TIMELESS: variants seen among roughly 807,000 people sequenced by gnomAD.
TIMELESS encodes timeless circadian regulator.
Under a neutral mutation model 164.3 loss-of-function variants are expected in TIMELESS, and 124 were observed. That is an observed-to-expected ratio of 0.75 (90% CI 0.65 to 0.88). The LOEUF (loss-of-function observed/expected upper bound fraction) is 0.88, where lower values mean the gene tolerates loss of function less well. Ranked by LOEUF, TIMELESS falls within the 40% of genes least tolerant of loss-of-function variation. TIMELESS has a pLI of 0.00. For synonymous variants in TIMELESS, 564 were observed against 563.4 expected (o/e 1.00, Z -0.02); for missense variants, 1,422 against 1,491.4 (o/e 0.95, Z 0.77).
rs753696333 is a variant in TIMELESS, at chr12:56,423,427, G to T, written c.2139C>A (p.Ser713Arg). 3 of 1,614,162 alleles carry T rather than the reference G, an allele frequency of 1.9e-6. No individual in the cohort carries two copies. Among genetic ancestry groups the T allele is most frequent in the Non-Finnish European group, 2.5e-6 (3 of 1,180,038 alleles). ...VVRAYVLLLR[S>R]YQQNSAHTNH... ...TAGTGTGGGCACTATTCTGCTGGTA[G>T]CTCCTTAGTAGCAGCACATAGGCTC... The change falls in exon 18 of 29, where the codon AGC (serine) becomes AGA (arginine). Residue 713 changes from serine to arginine, a missense_variant. Physicochemically the swap from Ser to Arg is moderately radical, Grantham distance 110. Transcript: ENST00000553532.
intron 26 of TIMELESS, among the ~76,000 whole-genome samples, chr12:56,419,282 A>G (rs2131095): frequency 1 from 151,882 of 152,322 alleles, 75,724 homozygotes; most frequent in East Asian, 1. Context: ...GTGAGCCACC[A>G]TACCCAGCAG....
rs61748694 is a variant in TIMELESS at position 56,420,619 on chromosome 12, A to G, written c.3178T>C (p.Phe1060Leu). Residue 1060 changes from phenylalanine to leucine, a missense_variant, in exon 26 of 29, where the codon TTT becomes CTT. Coordinates refer to ENST00000553532, the MANE Select transcript of TIMELESS (RefSeq NM_003920.5). Reference protein sequence around the residue: ...ENEEAMENEQFQQLLRKLGVR... With the variant: ...ENEEAMENEQLQQLLRKLGVR... ...CCTAGCTTGCGCAACAGCTGCTGAA[A>G]CTGTTCGTTTTCCATGGCTTCCTCA... 1.4e-3 allele frequency: 2,267 copies of G among 1,614,156 alleles called. 22 individuals are homozygous for G. In the African/African-American group the frequency reaches 0.025, roughly 18 times the overall value.
intron 10 of TIMELESS, among the ~76,000 whole-genome samples, chr12:56,429,852 C>G (rs1281566474): frequency 6.6e-6 from 1 of 151,962 alleles, no homozygotes; most frequent in Non-Finnish European, 1.5e-5. Context: ...ATTTCCAACT[C>G]TCTCCTGTTC....
intron 26 of TIMELESS, among the ~76,000 whole-genome samples, chr12:56,419,461 T>A (rs1414341937): frequency 2.7e-5 from 4 of 148,476 alleles, no homozygotes; most frequent in African/African-American, 1.0e-4. Flanking sequence ...ACAGATGGAG[T>A]GTGTGTGTGT....
chr12:56,449,103 C>T (rs767291605), intron 1 of TIMELESS, among the ~76,000 whole-genome samples: 3 of 152,276 alleles, frequency 2.0e-5, no homozygotes, highest in Non-Finnish European at 4.4e-5. Flanking sequence ...TAGGGCTAAG[C>T]CCGCGTCCGG....
At position 56,423,656 on chromosome 12, in the gene TIMELESS, TC is replaced by T; in HGVS notation, c.2017del (p.Glu673ArgfsTer23). 1 of 1,613,980 alleles carries T rather than the reference TC, an allele frequency of 6.2e-7. No individual in the cohort carries two copies. Among genetic ancestry groups the T allele is most frequent in the Non-Finnish European group, 8.5e-7 (1 of 1,179,970 alleles). On this transcript the variant is annotated frameshift_variant, in exon 17 of 29. Coordinates refer to ENST00000553532, the MANE Select transcript of TIMELESS (RefSeq NM_003920.5). LOFTEE classifies it high-confidence loss of function. Reference sequence around the variant, plus strand: ...CACTTGCAACTCCTCCTCTTCCTCCTCCTCCTCCTCTTCTTCTTCCTCTGCC... The same window carrying T: ...CACTTGCAACTCCTCCTCTTCCTCCTCTCCTCCTCTTCTTCTTCCTCTGCC... ...RGAEEEEEEE[E>X]EEEEELQVVQ...
intron 13 of TIMELESS, 136 bp downstream of exon 13, chr12:56,428,100 C>T: frequency 1.4e-6 from 1 of 727,950 alleles, no homozygotes; most frequent in South Asian, 2.9e-5. Flanking sequence ...CTGGCCAACA[C>T]CCACAAACCT....
chr12:56,435,750 G>A (rs1308151042), intron 1 of TIMELESS, among the ~76,000 whole-genome samples: 1 of 152,038 alleles, frequency 6.6e-6, no homozygotes, highest in Non-Finnish European at 1.5e-5. Flanking sequence ...ATGAGGTCAG[G>A]AGATTGACAC....
chr12:56,424,974 G>A (rs1881628798), intron 14 of TIMELESS, 41 bp downstream of exon 14: 4 of 1,613,992 alleles, frequency 2.5e-6, no homozygotes, highest in Non-Finnish European at 3.4e-6. Flanking sequence ...TATACCCTGA[G>A]CACTATTCTC....
Position 56,440,144 on chromosome 12 carries a change from T to C in TIMELESS, c.-61-5913A>G, listed in dbSNP as rs1322366982. ...CAATTCAAATTAACCTTTTTTTTTTTTTTTTTTTTTTTGAGACAGAGTCTT... is the reference window on the plus strand; with the variant it reads ...CAATTCAAATTAACCTTTTTTTTTTCTTTTTTTTTTTTGAGACAGAGTCTT... On this transcript the variant is annotated intron_variant, in intron 1 of 28. Coordinates refer to ENST00000553532, the MANE Select transcript of TIMELESS (RefSeq NM_003920.5). 2.1e-5 allele frequency among the ~76,000 whole-genome samples: 3 copies of C among 144,986 alleles called. No homozygotes were observed. In the East Asian group the frequency reaches 6.0e-4, roughly 29 times the overall value.
In TIMELESS at chr12:56,420,822, C is replaced by T. The variant is rs2638290; in HGVS notation, c.3100G>A (p.Glu1034Lys). ...TCACCTGTCCACTCACCATCCTCTT[C>T]CCGATCATCAGCTGCTCGGATCAGG... is the stretch of plus-strand genomic sequence containing the variant. ...NCLIRAADDR[E>K]EDGCSQAVPL... Residue 1034 changes from glutamate to lysine, a missense_variant, in exon 25 of 29, where the codon GAA (glutamate) becomes AAA (lysine). By Grantham distance (56) the Glu-to-Lys change is moderately conservative. Coordinates refer to ENST00000553532, the MANE Select transcript of TIMELESS (RefSeq NM_003920.5). The T allele has an allele frequency of 6.2e-7, 1 of 1,614,210 alleles. No individual in the cohort carries two copies. The highest frequency in any genetic ancestry group is 8.5e-7 in the Non-Finnish European group (1 of 1,180,040).
rs1037172013 is a variant in TIMELESS, at chr12:56,416,705, A to C, written c.*1011T>G. 4 of 151,646 alleles carry C rather than the reference A, an allele frequency of 2.6e-5. No individual in the cohort carries two copies. The highest frequency in any genetic ancestry group is 1.3e-4 in the Admixed American group (2 of 15,220). The allele number at this position is 151,646 out of a possible 1,614,324, so 9.4% of individuals were successfully genotyped here. A position where few individuals can be genotyped will look rare whatever the true frequency, so the allele number is the denominator to read the frequency against. ...TCTTCTGTAGGGAAAGCGGAAGAAAAGGGAAGGTTGTTGGTCTTTTTTTTT... is the reference window on the plus strand; with the variant it reads ...TCTTCTGTAGGGAAAGCGGAAGAAACGGGAAGGTTGTTGGTCTTTTTTTTT... On this transcript the variant is annotated 3_prime_UTR_variant, in exon 29 of 29. Coordinates refer to ENST00000553532, the MANE Select transcript of TIMELESS (RefSeq NM_003920.5).
rs144096939 is a variant in TIMELESS at position 56,423,704 on chromosome 12, T to C, written c.1970A>G (p.Gln657Arg). ...KQILSAPLPRQQGPEERGAEE... is the reference protein window; with the variant it reads ...KQILSAPLPRRQGPEERGAEE... ...TGCCCCACGTTCCTCTGGGCCCTGC[T>C]GCCCTATAGACAGAGGGAGGATTAC... The change falls in exon 17 of 29, where the codon CAG becomes CGG. Residue 657 changes from glutamine to arginine, a missense_variant. Transcript: ENST00000553532. 14 of 1,613,986 alleles carry C rather than the reference T, an allele frequency of 8.7e-6. No individual in the cohort carries two copies. The highest frequency in any genetic ancestry group is 1.2e-5 in the Non-Finnish European group (14 of 1,179,998).
Position 56,422,124 on chromosome 12 carries a change from C to A in TIMELESS, c.2506G>T (p.Ala836Ser). Residue 836 changes from alanine to serine, a missense_variant, in exon 20 of 29, where the codon GCC becomes TCC. By Grantham distance (99) the Ala-to-Ser change is moderately conservative. Transcript: ENST00000553532. ...EEAHLRELYL[A>S]NKDVEGQDVV... ...CTCTCACCTTCCACGTCCTTATTGG[C>A]GAGGTACAGCTCCCGAAGATGAGCC... The A allele has an allele frequency of 6.2e-7, 1 of 1,614,074 alleles. No homozygotes were observed. The highest frequency in any genetic ancestry group is 8.5e-7 in the Non-Finnish European group (1 of 1,179,998).
intron 9 of TIMELESS, 147 bp from the exon 10 acceptor site, chr12:56,430,428 C>A: frequency 1.1e-6 from 1 of 918,298 alleles, no homozygotes. Context: ...TGTAATGATG[C>A]AATCATAGCA....
At chr12:56,439,194 A>G (rs796654516) in intron 1 of TIMELESS, among the ~76,000 whole-genome samples, 4,144 of 127,142 alleles carry the variant, frequency 0.033, 255 homozygotes, top group African/African-American at 0.12. Flanking sequence ...AAAAAAAAAA[A>G]AAGAAGCCAA....
At position 56,431,380 on chromosome 12, in the gene TIMELESS, A is replaced by G. The variant is rs2136143173; in HGVS notation, c.821+91T>C. On this transcript the variant is annotated intron_variant, in intron 8 of 28. Coordinates refer to ENST00000553532, the MANE Select transcript of TIMELESS (RefSeq NM_003920.5). ...AAAAAAAAAAAAAAAAAACACTAAA[A>G]TGTTGTTCAATCACCCCACCTTAGA... The G allele has an allele frequency of 7.1e-6, 10 of 1,402,662 alleles. 1 individual carries two copies. The highest frequency in any genetic ancestry group is 1.4e-5 in the South Asian group (1 of 71,002). The allele number at this position is 1,402,662 out of a possible 1,614,324, so 86.9% of individuals were successfully genotyped here. A position where few individuals can be genotyped will look rare whatever the true frequency, so the allele number is the denominator to read the frequency against.
intron 11 of TIMELESS, 111 bp downstream of exon 11, chr12:56,428,772 C>T (rs1233799603): frequency 2.0e-6 from 3 of 1,475,968 alleles, no homozygotes; most frequent in Admixed American, 3.7e-5. Flanking sequence ...CCCAGCCAGT[C>T]CTTGCTCCCC....
At position 56,423,685 on chromosome 12, in the gene TIMELESS, A is replaced by C. The variant is rs1204741091; in HGVS notation, c.1989T>G (p.Arg663=). The change falls in exon 17 of 29, where the codon CGT becomes CGG. Residue 663 remains arginine, a synonymous_variant. Transcript: ENST00000553532. ...PLPRQQGPEE[R]GAEEEEEEEE... ...CCTCCTCTTCTTCTTCCTCTGCCCCACGTTCCTCTGGGCCCTGCTGCCCTA... is the reference window on the plus strand; with the variant it reads ...CCTCCTCTTCTTCTTCCTCTGCCCCCCGTTCCTCTGGGCCCTGCTGCCCTA... The C allele has an allele frequency of 3.1e-6, 5 of 1,613,734 alleles. No individual in the cohort carries two copies. The South Asian group carries it at 5.5e-5, about 18-fold the overall frequency.
Sources: gnomAD v4.1 joint callset for allele counts (sites outside exome capture counted in the v4.1 genomes callset) on GRCh38, gnomAD v4.1.1 for gene constraint, MANE v1.5 for transcripts, NCBI Gene and HGNC (gene_info 2026-07-23, HGNC 2026-07-21) for gene names.